The following CDCP2 variants were observed in gnomAD, a reference collection of about 807,000 sequenced individuals.
CDCP2 encodes CUB domain containing protein 2.
A neutral mutation model predicts 31.0 loss-of-function variants in CDCP2; 31 were observed. That is an observed-to-expected ratio of 1.00 (90% confidence interval 0.75 to 1.35). The LOEUF (loss-of-function observed/expected upper bound fraction) is 1.35, where lower values mean the gene tolerates loss of function less well. Among genes scored for constraint, CDCP2 ranks in the 40% most tolerant of loss-of-function variants. The pLI, the probability that CDCP2 is intolerant of heterozygous loss-of-function variation, is 0.00. For synonymous variants in CDCP2, 206 were observed against 207.9 expected (o/e 0.99, Z 0.08); for missense variants, 443 against 482.6 (o/e 0.92, Z 0.77).
chr1:54,147,082 A>C (rs78533915), intron 1 of CDCP2, among the ~76,000 whole-genome samples: 6 of 115,010 alleles, frequency 5.2e-5, no homozygotes, highest in Non-Finnish European at 1.1e-4. Context: ...TCTCAAAAAA[A>C]AAAAAAAAAA....
chr1:54,144,811 C>T (rs1317660798), exon 2 of CDCP2: 2 of 1,606,278 alleles, frequency 1.2e-6, no homozygotes, highest in African/African-American at 2.7e-5. Flanking sequence ...CCACATTTGA[C>T]ACCTGGGGCA....
At chr1:54,134,017 G>T (rs1659215808) in intron 5 of CDCP2, among the ~76,000 whole-genome samples, 2 of 152,176 alleles carry the variant, frequency 1.3e-5, no homozygotes, top group Non-Finnish European at 2.9e-5. Flanking sequence ...TTCTCACTCA[G>T]ATCTGCCCAA....
chr1:54,150,367 G>T (rs1469221648), intron 1 of CDCP2, among the ~76,000 whole-genome samples: 1 of 152,158 alleles, frequency 6.6e-6, no homozygotes. Flanking sequence ...GGCCAAGGTG[G>T]GTGGATCACC....
chr1:54,141,223 C>A, exon 3 of CDCP2: 4 of 1,613,180 alleles, frequency 2.5e-6, no homozygotes, highest in Non-Finnish European at 3.4e-6. Context: ...GTGGTGCCCA[C>A]GGGTGGGGCC....
chr1:54,141,516 T>G (rs1314165077), intron 2 of CDCP2, 83 bp from the exon 3 acceptor site: 4 of 1,207,414 alleles, frequency 3.3e-6, no homozygotes, highest in Non-Finnish European at 4.6e-6. Context: ...CACTCCAACA[T>G]GCTGCCCCCA....
intron 1 of CDCP2, among the ~76,000 whole-genome samples, chr1:54,152,267 C>A (rs1293863951): frequency 1.3e-5 from 2 of 152,072 alleles, no homozygotes; most frequent in Non-Finnish European, 2.9e-5. Context: ...AGTTCGAGAC[C>A]AGCATGACCA....
At chr1:54,144,504 T>C (rs1225308135) in exon 2 of CDCP2, 4 of 1,599,148 alleles carry the variant, frequency 2.5e-6, no homozygotes, top group Non-Finnish European at 3.4e-6. Flanking sequence ...GCTGGCCACA[T>C]GCTTGTCCGA....
intron 1 of CDCP2, among the ~76,000 whole-genome samples, chr1:54,148,052 T>G (rs986324087): frequency 6.6e-6 from 1 of 151,620 alleles, no homozygotes; most frequent in Non-Finnish European, 1.5e-5. Flanking sequence ...AATCATACTT[T>G]CCAAGCCTTA....
intron 4 of CDCP2, 114 bp downstream of exon 4, chr1:54,139,639 C>T: frequency 1.3e-6 from 2 of 1,491,432 alleles, no homozygotes; most frequent in Non-Finnish European, 1.8e-6. Flanking sequence ...TGGAGAAGAC[C>T]ATTCATGGGG....
At chr1:54,146,903 C>T (rs1405764015) in intron 1 of CDCP2, among the ~76,000 whole-genome samples, 21 of 151,414 alleles carry the variant, frequency 1.4e-4, no homozygotes, top group Admixed American at 1.4e-3. Flanking sequence ...TGGCGAAACC[C>T]TGTCTCTACT....
chr1:54,144,414 C>T, intron 2 of CDCP2, 52 bp downstream of exon 2: 1 of 1,470,752 alleles, frequency 6.8e-7, no homozygotes, highest in Non-Finnish European at 9.2e-7. Flanking sequence ...GCCAAAGCAC[C>T]AGGATTACAG....
chr1:54,135,406 A>C (rs1410918834), intron 5 of CDCP2, among the ~76,000 whole-genome samples: 2 of 152,244 alleles, frequency 1.3e-5, no homozygotes, highest in African/African-American at 4.8e-5. Flanking sequence ...TTGAGGGTCT[A>C]GGATTTATTT....
intron 1 of CDCP2, among the ~76,000 whole-genome samples, chr1:54,148,682 C>T (rs899935101): frequency 1.3e-5 from 2 of 151,378 alleles, no homozygotes; most frequent in African/African-American, 4.9e-5. Context: ...AGATAAATGA[C>T]GCTGGGGCTT....
intron 5 of CDCP2, among the ~76,000 whole-genome samples, chr1:54,133,896 A>T (rs1448324878): frequency 6.8e-6 from 1 of 147,030 alleles, no homozygotes; most frequent in Non-Finnish European, 1.5e-5. Flanking sequence ...ACTCCATCTC[A>T]AAAACAAACA....
At chr1:54,144,712 C>G (rs368144780) in exon 2 of CDCP2, 7 of 1,614,110 alleles carry the variant, frequency 4.3e-6, no homozygotes, top group African/African-American at 1.3e-5. Flanking sequence ...TCGGCCACCA[C>G]GATCAGCCAG....
intron 1 of CDCP2, 48 bp downstream of exon 1, chr1:54,152,796 G>A (rs769800161): frequency 6.4e-7 from 1 of 1,552,604 alleles, no homozygotes; most frequent in Non-Finnish European, 8.8e-7. Flanking sequence ...GCTGTTGCCT[G>A]CCCACCTCCT....
chr1:54,142,313 G>T (rs1304786034), intron 2 of CDCP2: 1 of 152,228 alleles, frequency 6.6e-6, no homozygotes, highest in Non-Finnish European at 1.5e-5. Flanking sequence ...AGTAGAGCTT[G>T]GTTTGACATC....
rs528692846 is a variant in CDCP2 at position 54,134,118 on chromosome 1, C to A, written c.1297-824G>T. ...TTTCAAAGCATCGACTCCAATCCCC[C>A]ATCCTTGGCAAATTTACAGACATGA... On this transcript the variant is annotated intron_variant, in intron 5 of 5. Coordinates refer to ENST00000530059, the Ensembl canonical transcript of CDCP2. Among the ~76,000 whole-genome samples the A allele has an allele frequency of 6.6e-5, 10 of 152,304 alleles. No homozygotes were observed. The East Asian group carries it at 1.9e-3, about 29-fold the overall frequency.
intron 5 of CDCP2, among the ~76,000 whole-genome samples, chr1:54,134,329 G>A (rs983191325): frequency 1.8e-4 from 28 of 152,190 alleles, no homozygotes; most frequent in African/African-American, 6.8e-4. Context: ...GCCTAGTGTT[G>A]GGAAGAGCCA....
Sources: allele counts gnomAD v4.1 joint callset (sites outside exome capture counted in the v4.1 genomes callset), GRCh38; gene constraint gnomAD v4.1.1; transcripts MANE v1.5; gene names NCBI Gene and HGNC (gene_info 2026-07-23, HGNC 2026-07-21).